RBFOX1: variants seen among roughly 807,000 people sequenced by gnomAD.
RBFOX1 encodes RNA binding protein fox-1 homolog 1.
In RBFOX1, 8 loss-of-function variants were observed where a neutral mutation model predicts 57.7. That is an observed-to-expected ratio of 0.14 (90% CI 0.08 to 0.25). The LOEUF (loss-of-function observed/expected upper bound fraction) is 0.25. Among genes scored for constraint, RBFOX1 ranks in the 10% least tolerant of loss-of-function variants. The probability of loss-of-function intolerance (pLI) is 1.00; values close to 1 mark genes in which losing one functional copy is unlikely to be tolerated. For missense variants in RBFOX1, 611 were observed against 548.5 expected (o/e 1.11, Z -1.14); for synonymous variants, 326 against 222.4 (o/e 1.47, Z -4.15).
chr16:6,637,436 A>AT lies in RBFOX1; in HGVS notation c.-63-17167_-63-17166insT, dbSNP rs1555636586. On this transcript the variant is annotated intron_variant, in intron 2 of 15. Transcript: ENST00000550418. ...TATATAATATATAAATATATTATAT[A>AT]AATATATGTAAATGTATATAATATG... is the stretch of plus-strand genomic sequence containing the variant. Among the ~76,000 whole-genome samples, 4 of 96,520 alleles carry AT rather than the reference A, an allele frequency of 4.1e-5. 1 individual carries two copies. The highest frequency in any genetic ancestry group is 2.6e-4 in the South Asian group (1 of 3,836). The allele number at this position is 96,520 out of a possible 152,430, so 63.3% of individuals were successfully genotyped here. A position where few individuals can be genotyped will look rare whatever the true frequency, so the allele number is the denominator to read the frequency against.
Position 6,878,326 on chromosome 16 carries a change from G to T in RBFOX1, c.-15-173731G>T, listed in dbSNP as rs139004797. Among the ~76,000 whole-genome samples the T allele has an allele frequency of 5.2e-3, 785 of 152,228 alleles. 6 individuals carry two copies. The highest frequency in any genetic ancestry group is 0.018 in the African/African-American group (753 of 41,536). ...ACTATAAATGAAAGTGACAGGTGCT[G>T]GAACATTTTATTGCTGATGCAAGAG... is the stretch of plus-strand genomic sequence containing the variant. On this transcript the variant is annotated intron_variant, in intron 3 of 15. Transcript: ENST00000550418.
intron 3 of RBFOX1, among the ~76,000 whole-genome samples, chr16:5,612,015 C>A (rs1368821318): frequency 6.6e-6 from 1 of 151,842 alleles, no homozygotes; most frequent in Non-Finnish European, 1.5e-5. Flanking sequence ...GTGGTCCCAG[C>A]TACTTGGGAG....
At chr16:6,652,276 C>G (rs1255667345) in intron 2 of RBFOX1, among the ~76,000 whole-genome samples, 2 of 152,018 alleles carry the variant, frequency 1.3e-5, no homozygotes, top group Admixed American at 6.6e-5. Context: ...TGGTGAAATC[C>G]CATCTCTACT....
chr16:6,498,558 A>G (rs1316577767), intron 2 of RBFOX1, among the ~76,000 whole-genome samples: 1 of 152,068 alleles, frequency 6.6e-6, no homozygotes, highest in African/African-American at 2.4e-5. Context: ...CTCTCCAACG[A>G]TTAGATTGTG....
chr16:6,735,151 CAAA>C lies in RBFOX1; in HGVS notation c.-16+80504_-16+80506del, dbSNP rs1467254443. Among the ~76,000 whole-genome samples, 20 of 150,436 alleles carry C rather than the reference CAAA, an allele frequency of 1.3e-4. No homozygotes were observed. The South Asian group carries it at 1.9e-3, about 14-fold the overall frequency. On this transcript the variant is annotated intron_variant, in intron 3 of 15. Transcript: ENST00000550418. ...GCAGCAGAGTGAGACCCTGTCTCAA[CAAA>C]AACAACAACAACATCAACAACAACA...
intron 10 of RBFOX1, among the ~76,000 whole-genome samples, chr16:7,611,334 C>G (rs1332531502): frequency 1.3e-5 from 2 of 151,966 alleles, no homozygotes; most frequent in Non-Finnish European, 2.9e-5. Context: ...GCCTTTAATC[C>G]CAGTACTTTG....
chr16:6,064,923 G>A (rs1017800908), intron 1 of RBFOX1, among the ~76,000 whole-genome samples: 10 of 151,554 alleles, frequency 6.6e-5, no homozygotes, highest in African/African-American at 7.3e-5. Flanking sequence ...TGGAGAATCC[G>A]AATCAACAGG....
At chr16:6,924,561 G>T (rs1394071061) in intron 3 of RBFOX1, among the ~76,000 whole-genome samples, 2 of 151,954 alleles carry the variant, frequency 1.3e-5, no homozygotes, top group African/African-American at 4.8e-5. Flanking sequence ...ATTTAGAGAG[G>T]ACACATATCC....
intron 5 of RBFOX1, among the ~76,000 whole-genome samples, chr16:7,570,773 A>G (rs1296284133): frequency 1.3e-5 from 2 of 152,240 alleles, no homozygotes; most frequent in Non-Finnish European, 2.9e-5. Flanking sequence ...TCTGTTACAG[A>G]CACACATACA....
At chr16:7,388,412 G>A (rs2097920220) in intron 4 of RBFOX1, among the ~76,000 whole-genome samples, 1 of 152,174 alleles carries the variant, frequency 6.6e-6, no homozygotes, top group South Asian at 2.1e-4. Flanking sequence ...AAAATCTGTA[G>A]AGTGAAGTGT....
intron 4 of RBFOX1, among the ~76,000 whole-genome samples, chr16:7,339,041 C>G (rs1047147768): frequency 6.6e-6 from 1 of 152,156 alleles, no homozygotes; most frequent in Non-Finnish European, 1.5e-5. Flanking sequence ...CAACAGCGGA[C>G]TAAATTAAAG....
chr16:6,490,574 A>G (rs1376894397), intron 2 of RBFOX1, among the ~76,000 whole-genome samples: 1 of 152,236 alleles, frequency 6.6e-6, no homozygotes, highest in Non-Finnish European at 1.5e-5. Flanking sequence ...GCCCTGCAGA[A>G]AGCTCAGAGA....
intron 1 of RBFOX1, among the ~76,000 whole-genome samples, chr16:5,244,434 G>C (rs1249796503): frequency 3.9e-5 from 6 of 152,176 alleles, no homozygotes; most frequent in Non-Finnish European, 1.5e-5. Flanking sequence ...GCAGGGATGT[G>C]GGCAGGCAGG....
chr16:7,141,821 C>G (rs532766593), intron 4 of RBFOX1, among the ~76,000 whole-genome samples: 3 of 152,132 alleles, frequency 2.0e-5, no homozygotes, highest in Non-Finnish European at 4.4e-5. Flanking sequence ...CCGCACCAGC[C>G]TTCTGACTGG....
chr16:7,230,418 C>T (rs541251806), intron 4 of RBFOX1, among the ~76,000 whole-genome samples: 1 of 152,244 alleles, frequency 6.6e-6, no homozygotes, highest in African/African-American at 2.4e-5. Context: ...ACTTATTCAT[C>T]TGCCTGCCTC....
At chr16:6,903,960 C>T (rs1437765436) in intron 3 of RBFOX1, among the ~76,000 whole-genome samples, 1 of 152,066 alleles carries the variant, frequency 6.6e-6, no homozygotes, top group Non-Finnish European at 1.5e-5. Flanking sequence ...AGGTACAAAT[C>T]TGCAAATCCA....
chr16:7,693,817 C>G lies in RBFOX1; in HGVS notation c.996-15239C>G, dbSNP rs576334643. 3.1e-4 allele frequency among the ~76,000 whole-genome samples: 47 copies of G among 152,254 alleles called. No homozygotes were observed. The South Asian group carries it at 9.5e-3, about 31-fold the overall frequency. ...GCTGTAAAAGACTGAATCTATAAAG[C>G]TTAGAGGCATTCGAGAATATAATTA... On this transcript the variant is annotated intron_variant, in intron 14 of 15. Coordinates refer to ENST00000550418, the MANE Select transcript of RBFOX1 (RefSeq NM_018723.4).
At chr16:7,527,651 A>G (rs2079003809) in intron 5 of RBFOX1, among the ~76,000 whole-genome samples, 1 of 152,168 alleles carries the variant, frequency 6.6e-6, no homozygotes, top group African/African-American at 2.4e-5. Context: ...GGCACGTTAC[A>G]TAACTTCTCT....
At chr16:7,368,040 G>C (rs1258597504) in intron 4 of RBFOX1, among the ~76,000 whole-genome samples, 1 of 152,112 alleles carries the variant, frequency 6.6e-6, no homozygotes, top group Admixed American at 6.6e-5. Context: ...GCCGAGGATG[G>C]TGAATCAGCT....
Sources: gnomAD v4.1 joint callset for allele counts (sites outside exome capture counted in the v4.1 genomes callset) on GRCh38, gnomAD v4.1.1 for gene constraint, MANE v1.5 for transcripts, NCBI Gene and HGNC (gene_info 2026-07-23, HGNC 2026-07-21) for gene names.